PML: variants seen among roughly 807,000 people sequenced by gnomAD.
PML encodes the protein PML nuclear body scaffold.
PML carries 28 observed loss-of-function variants against 65.2 expected under a neutral mutation model. The ratio of observed to expected loss-of-function variants is 0.43; its 90% CI spans 0.32 to 0.59. The LOEUF (loss-of-function observed/expected upper bound fraction) is 0.59. Among genes scored for constraint, PML ranks in the 20% least tolerant of loss-of-function variants. PML has a pLI of 0.08. For synonymous variants in PML, 500 were observed against 508.8 expected, an observed-to-expected ratio of 0.98 and a Z score of 0.23; for missense variants, 1,021 against 1,203.4, an observed-to-expected ratio of 0.85 and a Z score of 2.24.
At chr15:74,021,090 C>CATCT (rs1460460175) in intron 2 of PML, among the ~76,000 whole-genome samples, 1 of 152,178 alleles carries the variant, frequency 6.6e-6, no homozygotes, top group Non-Finnish European at 1.5e-5. Context: ...CTACAGTTTG[C>CATCT]ATCTAGACTC....
chr15:74,012,663 T>C (rs1461012544), intron 2 of PML, among the ~76,000 whole-genome samples: 1 of 152,146 alleles, frequency 6.6e-6, no homozygotes, highest in Non-Finnish European at 1.5e-5. Flanking sequence ...AGTAACTGAG[T>C]CTCTGCAATG....
intron 2 of PML, among the ~76,000 whole-genome samples, chr15:74,002,611 G>GTTTTTT (rs34203409): frequency 2.3e-5 from 3 of 128,850 alleles, no homozygotes; most frequent in Non-Finnish European, 3.2e-5. Flanking sequence ...GCCCGGCTAA[G>GTTTTTT]TTTTTTTTTT....
chr15:74,024,536 G>A (rs891293500), intron 3 of PML, among the ~76,000 whole-genome samples: 2 of 152,212 alleles, frequency 1.3e-5, no homozygotes, highest in African/African-American at 4.8e-5. Context: ...TCAGTGAGCC[G>A]GTAGTGATGG....
In PML at chr15:74,046,998, A is replaced by G. The variant is rs892262828; in HGVS notation, c.*1990A>G. ...ATCCCCCCACATGACAAGTGGGGAG[A>G]CCCAGGGTAGGCTTTCCTTTGGATC... On this transcript the variant is annotated 3_prime_UTR_variant, in exon 9 of 9. Coordinates refer to ENST00000268058, the MANE Select transcript of PML (RefSeq NM_033238.3). 7 of 229,566 alleles carry G rather than the reference A, an allele frequency of 3.0e-5. No homozygotes were observed. The highest frequency in any genetic ancestry group is 6.0e-5 in the Non-Finnish European group (7 of 115,874). The allele number at this position is 229,566 out of a possible 1,614,324, so 14.2% of individuals were successfully genotyped here.
intron 2 of PML, among the ~76,000 whole-genome samples, chr15:74,018,503 CT>C (rs893946760): frequency 7.9e-5 from 12 of 151,818 alleles, no homozygotes; most frequent in African/African-American, 1.7e-4. Flanking sequence ...TTTGTACCTT[CT>C]TTTTTTTAAT....
At chr15:74,031,074 A>G (rs893334259) in intron 4 of PML, among the ~76,000 whole-genome samples, 1 of 151,822 alleles carries the variant, frequency 6.6e-6, no homozygotes, top group Admixed American at 6.6e-5. Flanking sequence ...ATTGCCACCT[A>G]TCTAGCCCCA....
chr15:74,021,852 G>A (rs2070849560), intron 2 of PML, among the ~76,000 whole-genome samples: 1 of 152,252 alleles, frequency 6.6e-6, no homozygotes, highest in Non-Finnish European at 1.5e-5. Context: ...ATATACCAGA[G>A]CTATTAAAGA....
intron 4 of PML, among the ~76,000 whole-genome samples, chr15:74,029,644 A>G (rs2071231624): frequency 1.3e-5 from 2 of 152,164 alleles, no homozygotes; most frequent in African/African-American, 4.8e-5. Flanking sequence ...GAAAGAAAGA[A>G]AAAAGTTTTA....
chr15:74,047,211 G>C lies in PML; in HGVS notation c.*2203G>C, dbSNP rs926579899. 3.0e-5 allele frequency: 7 copies of C among 230,912 alleles called. No individual in the cohort carries two copies. Among genetic ancestry groups the C allele is most frequent in the African/African-American group, 1.5e-4 (7 of 45,164 alleles). 14.3% of individuals were successfully genotyped at this position (230,912 alleles called of 1,614,324 possible). The stretch of plus-strand genomic sequence containing the variant: ...TAAAACCCTTAAAAAGGGAGGTGTG[G>C]GAGGCCCAGGACTTTGGTAACAGGT... On this transcript the variant is annotated 3_prime_UTR_variant, in exon 9 of 9. Coordinates refer to ENST00000268058, the MANE Select transcript of PML (RefSeq NM_033238.3).
At chr15:74,016,294 A>T (rs2070570212) in intron 2 of PML, among the ~76,000 whole-genome samples, 1 of 151,904 alleles carries the variant, frequency 6.6e-6, no homozygotes, top group Non-Finnish European at 1.5e-5. Context: ...TAAATAAATA[A>T]AAATAAATAA....
chr15:74,026,360 C>G (rs2071075254), intron 4 of PML: 1 of 151,778 alleles, frequency 6.6e-6, no homozygotes, highest in East Asian at 1.9e-4. Flanking sequence ...TTAGTAGAGA[C>G]GGGGTTTCAT....
rs2071775048 is a variant in PML at position 74,046,746 on chromosome 15, C to T, written c.*1738C>T. Reference sequence around the variant, plus strand: ...TCTGCCCTGCCTCCACTGTCACAGCCTTTAATAAAGATGTGAATCTTGAAA... The same window carrying T: ...TCTGCCCTGCCTCCACTGTCACAGCTTTTAATAAAGATGTGAATCTTGAAA... On this transcript the variant is annotated 3_prime_UTR_variant, in exon 9 of 9. Transcript: ENST00000268058. The T allele has an allele frequency of 4.3e-6, 1 of 231,712 alleles. No homozygotes were observed. Among genetic ancestry groups the T allele is most frequent in the Non-Finnish European group, 8.5e-6 (1 of 117,096 alleles). The allele number at this position is 231,712 out of a possible 1,614,324, so 14.4% of individuals were successfully genotyped here.
intron 4 of PML, among the ~76,000 whole-genome samples, chr15:74,031,435 G>C (rs781378193): frequency 3.3e-5 from 5 of 152,144 alleles, no homozygotes; most frequent in Non-Finnish European, 7.3e-5. Flanking sequence ...CACCACGTCT[G>C]GCTGGTGTCT....
In PML at chr15:74,042,408, A is replaced by G. The variant is rs2071715925; in HGVS notation, c.1711-581A>G. 1.0e-6 allele frequency: 1 copy of G among 985,416 alleles called. No homozygotes were observed. The highest frequency in any genetic ancestry group is 1.7e-5 in the African/African-American group (1 of 57,346). 61.0% of individuals were successfully genotyped at this position (985,416 alleles called of 1,614,324 possible). The stretch of plus-strand genomic sequence containing the variant: ...CCTCGGCTGACTTCGGGGACAAGAA[A>G]AGGCAGGCTCCCGACCCCTTCCAAA... On this transcript the variant is annotated intron_variant, in intron 7 of 8. Coordinates refer to ENST00000268058, the MANE Select transcript of PML (RefSeq NM_033238.3). The surrounding 1 kb of genome is among the most constrained non-coding windows in gnomAD (Gnocchi z 5.3).
At chr15:74,032,819 CTT>C in intron 5 of PML, 104 bp downstream of exon 5, 1 of 1,234,910 alleles carries the variant, frequency 8.1e-7, no homozygotes, top group South Asian at 1.2e-5. Context: ...CAGATCAGCT[CTT>C]TGTGGGAAAG....
intron 2 of PML, among the ~76,000 whole-genome samples, chr15:74,012,934 T>C (rs932805816): frequency 6.6e-6 from 1 of 152,234 alleles, no homozygotes; most frequent in African/African-American, 2.4e-5. Context: ...CGGCTGGGTA[T>C]AATATTCTTA....
intron 2 of PML, among the ~76,000 whole-genome samples, chr15:74,022,261 T>G (rs1437774111): frequency 6.6e-6 from 1 of 152,184 alleles, no homozygotes; most frequent in Non-Finnish European, 1.5e-5. Flanking sequence ...CCGGCCGATT[T>G]CTTTCTTTCT....
rs766428057 is a variant in PML at position 74,035,620 on chromosome 15, G to A, written c.1710+1090G>A. 1 of 1,613,502 alleles carries A rather than the reference G, an allele frequency of 6.2e-7. No homozygotes were observed. The highest frequency in any genetic ancestry group is 8.5e-7 in the Non-Finnish European group (1 of 1,180,012). ...CCTGCCCAGCTGCAAAGGGGCATCA[G>A]CCCACCCCACCGGATACGAGGGGCT... On this transcript the variant is annotated intron_variant, in intron 7 of 8. Coordinates refer to ENST00000268058, the MANE Select transcript of PML (RefSeq NM_033238.3). The surrounding 1 kb of genome is among the most constrained non-coding windows in gnomAD (Gnocchi z 4.1).
In PML at chr15:74,037,307, C is replaced by T; in HGVS notation, c.1710+2777C>T. The T allele has an allele frequency of 1.0e-6, 1 of 985,416 alleles. No individual in the cohort carries two copies. The allele number at this position is 985,416 out of a possible 1,614,324, so 61.0% of individuals were successfully genotyped here. Reference sequence around the variant, plus strand: ...TGACATCTTGCTATTTACAGATCCCCATCGCACCCCTTCCCTGCCCTCGTT... The same window carrying T: ...TGACATCTTGCTATTTACAGATCCCTATCGCACCCCTTCCCTGCCCTCGTT... On this transcript the variant is annotated intron_variant, in intron 7 of 8. Coordinates refer to ENST00000268058, the MANE Select transcript of PML (RefSeq NM_033238.3). The surrounding 1 kb of genome is among the most constrained non-coding windows in gnomAD (Gnocchi z 4.2).
Sources: gnomAD v4.1 joint callset for allele counts (sites outside exome capture counted in the v4.1 genomes callset) on GRCh38, gnomAD v4.1.1 for gene constraint, Gnocchi (gnomAD v3.1) non-coding constraint, MANE v1.5 for transcripts, NCBI Gene and HGNC (gene_info 2026-07-23, HGNC 2026-07-21) for gene names.